Variants in KLHL8 observed in about 807,000 individuals in gnomAD.
The protein encoded by KLHL8 is kelch like family member 8.
Under a neutral mutation model 63.5 loss-of-function variants are expected in KLHL8, and 38 were observed. The ratio of observed to expected loss-of-function variants is 0.60; its 90% CI spans 0.46 to 0.78. The LOEUF (loss-of-function observed/expected upper bound fraction) is 0.78, where lower values mean the gene tolerates loss of function less well. KLHL8 is among the 30% of genes least tolerant of loss of function. The pLI is 0.00. For missense variants in KLHL8, 566 were observed against 752.4 expected, an observed-to-expected ratio of 0.75 and a Z score of 2.90; for synonymous variants, 224 against 254.3, an observed-to-expected ratio of 0.88 and a Z score of 1.13.
chr4:87,225,076 G>A (rs1732948929), upstream of KLHL8, among the ~76,000 whole-genome samples: 1 of 151,970 alleles, frequency 6.6e-6, no homozygotes, highest in Non-Finnish European at 1.5e-5. Context: ...CAAGGCTCAA[G>A]TCACAGCACC....
intron 1 of KLHL8, among the ~76,000 whole-genome samples, chr4:87,219,060 T>C (rs150328190): frequency 1.3e-4 from 20 of 152,320 alleles, no homozygotes; most frequent in African/African-American, 4.8e-4. Context: ...TTTTTATATT[T>C]AGGCTTACGC....
chr4:87,192,905 A>T (rs1731547737), intron 2 of KLHL8, among the ~76,000 whole-genome samples: 1 of 151,874 alleles, frequency 6.6e-6, no homozygotes, highest in African/African-American at 2.4e-5. Context: ...AGTATAAGGT[A>T]TTTTTTTTAA....
At chr4:87,169,949 G>T in intron 8 of KLHL8, 130 bp downstream of exon 8, 1 of 650,508 alleles carries the variant, frequency 1.5e-6, no homozygotes, top group Non-Finnish European at 2.6e-6. Context: ...AATTTTGTAA[G>T]AAAGAATTCA....
chr4:87,209,455 T>A (rs969798807), intron 1 of KLHL8, among the ~76,000 whole-genome samples: 8 of 152,160 alleles, frequency 5.3e-5, no homozygotes, highest in African/African-American at 1.9e-4. Flanking sequence ...AATAGGAAGT[T>A]ATGAAGAGAA....
At chr4:87,189,904 C>T (rs1019644753) in intron 2 of KLHL8, among the ~76,000 whole-genome samples, 3 of 151,370 alleles carry the variant, frequency 2.0e-5, no homozygotes, top group Non-Finnish European at 2.9e-5. Flanking sequence ...CATGGTGGCA[C>T]GCGCCTGTAG....
chr4:87,185,179 C>G, intron 3 of KLHL8, 72 bp downstream of exon 3: 1 of 1,318,570 alleles, frequency 7.6e-7, no homozygotes, highest in Non-Finnish European at 1.0e-6. Flanking sequence ...TACACTTTTC[C>G]TAATAAATGA....
At chr4:87,171,161 C>G (rs1364098125) in intron 6 of KLHL8, among the ~76,000 whole-genome samples, 1 of 151,968 alleles carries the variant, frequency 6.6e-6, no homozygotes, top group Non-Finnish European at 1.5e-5. Context: ...ATGTTAAAAG[C>G]TGATTTAACA....
chr4:87,229,442 G>A (rs1329387764), intron 1 of KLHL8, among the ~76,000 whole-genome samples: 4 of 150,516 alleles, frequency 2.7e-5, no homozygotes, highest in African/African-American at 9.8e-5. Context: ...TTTTGGTGGG[G>A]GGGGGTGCAG....
chr4:87,226,946 ATT>A (rs1491271686), intron 1 of KLHL8, among the ~76,000 whole-genome samples: 14 of 36,930 alleles, frequency 3.8e-4, no homozygotes, highest in Non-Finnish European at 6.2e-4. Context: ...AATAATATAT[ATT>A]ATATATAAGT....
At chr4:87,200,746 T>C (rs980956492) in intron 1 of KLHL8, among the ~76,000 whole-genome samples, 10 of 152,156 alleles carry the variant, frequency 6.6e-5, no homozygotes, top group African/African-American at 2.4e-4. Context: ...CTCAAAAAGT[T>C]AGAAATAGAA....
intron 1 of KLHL8, among the ~76,000 whole-genome samples, chr4:87,214,511 T>C (rs886172775): frequency 5.5e-5 from 8 of 146,558 alleles, no homozygotes; most frequent in African/African-American, 2.0e-4. Context: ...ATCCTTGGGA[T>C]AACTCAAAGA....
At chr4:87,205,020 T>A (rs149211693) in intron 1 of KLHL8, among the ~76,000 whole-genome samples, 251 of 152,254 alleles carry the variant, frequency 1.6e-3, no homozygotes, top group African/African-American at 5.8e-3. Flanking sequence ...ATTGTTGCAT[T>A]CCAACATACT....
At chr4:87,184,018 C>A (rs924399735) in intron 3 of KLHL8, among the ~76,000 whole-genome samples, 90 of 152,218 alleles carry the variant, frequency 5.9e-4, no homozygotes, top group African/African-American at 2.0e-3. Context: ...CCAGGTAATG[C>A]TATTTTGAGT....
At chr4:87,211,063 A>G (rs899006344) in intron 1 of KLHL8, among the ~76,000 whole-genome samples, 2 of 152,214 alleles carry the variant, frequency 1.3e-5, no homozygotes, top group Admixed American at 1.3e-4. Flanking sequence ...GTCTCTCTTC[A>G]CTGCTATTAC....
intron 1 of KLHL8, among the ~76,000 whole-genome samples, chr4:87,210,502 T>A (rs1353655932): frequency 6.6e-6 from 1 of 151,836 alleles, no homozygotes; most frequent in Non-Finnish European, 1.5e-5. Context: ...TAATAATAAT[T>A]AAAGAAGTTA....
intron 1 of KLHL8, chr4:87,207,884 A>G: frequency 6.6e-7 from 1 of 1,526,692 alleles, no homozygotes; most frequent in Non-Finnish European, 9.0e-7. Context: ...CAGACATCGG[A>G]GGGCCCCCTC....
intron 2 of KLHL8, among the ~76,000 whole-genome samples, chr4:87,186,799 A>G (rs1180732601): frequency 6.6e-6 from 1 of 152,092 alleles, no homozygotes; most frequent in Non-Finnish European, 1.5e-5. Context: ...CTTTTCATAT[A>G]CTAACTCAGT....
At chr4:87,190,346 A>G (rs1175502499) in intron 2 of KLHL8, among the ~76,000 whole-genome samples, 2 of 152,178 alleles carry the variant, frequency 1.3e-5, no homozygotes, top group East Asian at 3.9e-4. Context: ...ATACTTCAAA[A>G]TAAAAAATAA....
At chr4:87,206,040 C>A (rs986218629) in intron 1 of KLHL8, among the ~76,000 whole-genome samples, 1 of 152,202 alleles carries the variant, frequency 6.6e-6, no homozygotes, top group Non-Finnish European at 1.5e-5. Flanking sequence ...AGTAGCAACA[C>A]CATTTTTTCA....
Sources: allele counts gnomAD v4.1 joint callset (sites outside exome capture counted in the v4.1 genomes callset), GRCh38; gene constraint gnomAD v4.1.1; transcripts MANE v1.5; gene names NCBI Gene and HGNC (gene_info 2026-07-23, HGNC 2026-07-21).